The following ZNF385B variants were observed in gnomAD, a reference collection of about 807,000 sequenced individuals.
The protein encoded by ZNF385B is zinc finger protein 533.
ZNF385B carries 23 observed loss-of-function variants against 39.2 expected under a neutral mutation model. The observed-to-expected ratio is 0.59, with a 90% confidence interval of 0.42 to 0.83. The LOEUF (loss-of-function observed/expected upper bound fraction) is 0.83. Ranked by LOEUF, ZNF385B falls within the 40% of genes least tolerant of loss-of-function variation. The probability of loss-of-function intolerance (pLI) is 0.00; values close to 1 mark genes in which losing one functional copy is unlikely to be tolerated. For missense variants in ZNF385B, 552 were observed against 598.9 expected (o/e 0.92, Z 0.82); for synonymous variants, 205 against 222.6 (o/e 0.92, Z 0.70).
At chr2:179,765,565 G>A (rs1703639406) in intron 3 of ZNF385B, among the ~76,000 whole-genome samples, 1 of 152,114 alleles carries the variant, frequency 6.6e-6, no homozygotes, top group South Asian at 2.1e-4. Context: ...TCTTTGCTGT[G>A]GTACATGTAA....
chr2:179,649,234 T>C (rs1162939746), intron 3 of ZNF385B, among the ~76,000 whole-genome samples: 2 of 152,168 alleles, frequency 1.3e-5, no homozygotes, highest in African/African-American at 4.8e-5. Flanking sequence ...GCAGAGGAAT[T>C]TTCCAGACTA....
At chr2:179,825,283 A>G (rs1707617308) in intron 1 of ZNF385B, among the ~76,000 whole-genome samples, 1 of 152,182 alleles carries the variant, frequency 6.6e-6, no homozygotes. Flanking sequence ...TTACAAAAGC[A>G]AAGCCAGTCT....
chr2:179,466,426 C>T (rs2052023236), intron 6 of ZNF385B, among the ~76,000 whole-genome samples: 2 of 152,104 alleles, frequency 1.3e-5, no homozygotes, highest in Non-Finnish European at 2.9e-5. Context: ...AGCCATTCCT[C>T]TTTGCAGCTA....
At chr2:179,586,262 A>G (rs1401904458) in intron 3 of ZNF385B, among the ~76,000 whole-genome samples, 2 of 152,218 alleles carry the variant, frequency 1.3e-5, no homozygotes, top group Non-Finnish European at 2.9e-5. Context: ...CCCAATGTAC[A>G]TAGTACAAAT....
intron 1 of ZNF385B, among the ~76,000 whole-genome samples, chr2:179,813,752 C>T (rs917991028): frequency 6.6e-6 from 1 of 152,160 alleles, no homozygotes. Context: ...GAAAGGCATT[C>T]TTACACTTCC....
At chr2:179,734,862 C>T (rs1162962747) in intron 3 of ZNF385B, among the ~76,000 whole-genome samples, 1 of 152,140 alleles carries the variant, frequency 6.6e-6, no homozygotes, top group Admixed American at 6.5e-5. Flanking sequence ...CTTCCTTACA[C>T]CTTATAGAAA....
intron 3 of ZNF385B, among the ~76,000 whole-genome samples, chr2:179,685,906 G>C (rs960888030): frequency 2.6e-5 from 4 of 152,164 alleles, no homozygotes; most frequent in African/African-American, 9.7e-5. Context: ...ACATTAGCTG[G>C]CATCAAAGGC....
At chr2:179,454,098 G>T (rs1376289229) in intron 6 of ZNF385B, among the ~76,000 whole-genome samples, 1 of 152,152 alleles carries the variant, frequency 6.6e-6, no homozygotes, top group Admixed American at 6.6e-5. Flanking sequence ...TTGGATAAGA[G>T]CCTAAAGTTT....
At chr2:179,795,858 C>T (rs917086126) in intron 1 of ZNF385B, among the ~76,000 whole-genome samples, 10 of 152,020 alleles carry the variant, frequency 6.6e-5, no homozygotes, top group Non-Finnish European at 1.0e-4. Context: ...TCTTTTTGAA[C>T]GTCCATATAT....
chr2:179,518,793 T>C (rs2058278503), intron 4 of ZNF385B, among the ~76,000 whole-genome samples, 155 bp from the exon 5 acceptor site: 1 of 150,702 alleles, frequency 6.6e-6, no homozygotes, highest in Admixed American at 6.6e-5. Flanking sequence ...TATATTTGTC[T>C]CCAAAAATTA....
At chr2:179,768,141 G>A (rs1302729607) in intron 3 of ZNF385B, among the ~76,000 whole-genome samples, 3 of 151,598 alleles carry the variant, frequency 2.0e-5, no homozygotes, top group African/African-American at 4.8e-5. Flanking sequence ...GTAGATACAG[G>A]GTTTCACCAT....
chr2:179,768,195 C>G (rs745655795), intron 3 of ZNF385B, among the ~76,000 whole-genome samples: 2 of 151,832 alleles, frequency 1.3e-5, no homozygotes, highest in African/African-American at 4.8e-5. Flanking sequence ...AGCGATCTGC[C>G]TGCCTTGGCC....
intron 5 of ZNF385B, among the ~76,000 whole-genome samples, chr2:179,496,031 G>C (rs1444777679): frequency 6.6e-6 from 1 of 152,074 alleles, no homozygotes; most frequent in East Asian, 1.9e-4. Context: ...TAGAAAAACA[G>C]TTTCAGACAC....
At chr2:179,490,000 T>G (rs1427343323) in intron 5 of ZNF385B, among the ~76,000 whole-genome samples, 1 of 152,220 alleles carries the variant, frequency 6.6e-6, no homozygotes, top group Non-Finnish European at 1.5e-5. Flanking sequence ...ACTGCATAAC[T>G]CTGCAGGGCA....
chr2:179,543,942 G>A (rs1027126208), intron 4 of ZNF385B, among the ~76,000 whole-genome samples: 8 of 152,254 alleles, frequency 5.3e-5, no homozygotes, highest in Non-Finnish European at 1.0e-4. Flanking sequence ...GCTGTCTGGT[G>A]GTGTTGATAA....
intron 3 of ZNF385B, among the ~76,000 whole-genome samples, chr2:179,568,303 T>C (rs12988783): frequency 0.19 from 28,800 of 152,220 alleles, 3,372 homozygotes; most frequent in South Asian, 0.28. Context: ...ATTTACTTCA[T>C]GGCACTTACT....
In ZNF385B at chr2:179,675,691, G is replaced by A. The variant is rs73973621; in HGVS notation, c.298+93812C>T. ...AACTGGTATGAGAAAGTGGGTTGAGGTGAGGCCAAGGAGTGCTTTGTGTCC... is the reference window on the plus strand; with the variant it reads ...AACTGGTATGAGAAAGTGGGTTGAGATGAGGCCAAGGAGTGCTTTGTGTCC... On this transcript the variant is annotated intron_variant, in intron 3 of 9. Transcript: ENST00000410066. 3.4e-3 allele frequency among the ~76,000 whole-genome samples: 514 copies of A among 152,246 alleles called. 3 individuals are homozygous for A. Among genetic ancestry groups the A allele is most frequent in the African/African-American group, 0.012 (489 of 41,546 alleles).
At chr2:179,685,273 C>T (rs6433804) in intron 3 of ZNF385B, among the ~76,000 whole-genome samples, 151,984 of 152,320 alleles carry the variant, frequency 1, 75,824 homozygotes, top group Middle Eastern at 1. Flanking sequence ...AAACCCATAA[C>T]TCTACTACTG....
intron 1 of ZNF385B, among the ~76,000 whole-genome samples, chr2:179,787,359 T>G (rs1265276235): frequency 6.6e-6 from 1 of 152,052 alleles, no homozygotes; most frequent in African/African-American, 2.4e-5. Flanking sequence ...ATATTTGTCA[T>G]TATAGTTTTA....
Sources: gnomAD v4.1 joint callset for allele counts (sites outside exome capture counted in the v4.1 genomes callset) on GRCh38, gnomAD v4.1.1 for gene constraint, MANE v1.5 for transcripts, NCBI Gene and HGNC (gene_info 2026-07-23, HGNC 2026-07-21) for gene names.